Variants in TNFAIP3 observed in about 807,000 individuals in gnomAD.
TNFAIP3 encodes tumor necrosis factor alpha-induced protein 3.
TNFAIP3 carries 9 observed loss-of-function variants against 72.4 expected under a neutral mutation model. The observed-to-expected ratio is 0.12, with a 90% CI of 0.07 to 0.22. TNFAIP3 has a LOEUF of 0.22. Ranked by LOEUF, TNFAIP3 falls within the 10% of genes least tolerant of loss-of-function variation. TNFAIP3 has a pLI of 1.00. For missense variants in TNFAIP3, 833 were observed against 1,018.7 expected (o/e 0.82, Z 2.48); for synonymous variants, 339 against 372.6 (o/e 0.91, Z 1.04).
In TNFAIP3 at chr6:137,882,879, G is replaced by A; in HGVS notation, c.*1560G>A. The stretch of plus-strand genomic sequence containing the variant: ...TTTGCTCTAGAAGAAAAAAAAAAAA[G>A]GAGGGGAAATGCATTTTCCCCAGAG... On this transcript the variant is annotated 3_prime_UTR_variant, in exon 9 of 9. Coordinates refer to ENST00000612899, the MANE Select transcript of TNFAIP3 (RefSeq NM_001270508.2). 4.4e-6 allele frequency: 1 copy of A among 225,902 alleles called. No individual in the cohort carries two copies. The highest frequency in any genetic ancestry group is 8.8e-6 in the Non-Finnish European group (1 of 113,700). 14.0% of individuals were successfully genotyped at this position (225,902 alleles called of 1,614,324 possible). A position where few individuals can be genotyped will look rare whatever the true frequency, so the allele number is the denominator to read the frequency against.
At chr6:137,875,154 G>A (rs943615282) in intron 3 of TNFAIP3, 119 bp downstream of exon 3, 3 of 1,198,244 alleles carry the variant, frequency 2.5e-6, no homozygotes, top group Non-Finnish European at 3.6e-6. Flanking sequence ...ATTTGGCTAA[G>A]CGAAGCATAC....
In TNFAIP3 at chr6:137,871,718, A is replaced by AT. The variant is rs1776071925; in HGVS notation, c.295+200dup. Among the ~76,000 whole-genome samples, 2 of 152,148 alleles carry AT rather than the reference A, an allele frequency of 1.3e-5. No individual in the cohort carries two copies. Among genetic ancestry groups the AT allele is most frequent in the Admixed American group, 1.3e-4 (2 of 15,276 alleles). On this transcript the variant is annotated intron_variant, in intron 2 of 8. Coordinates refer to ENST00000612899, the MANE Select transcript of TNFAIP3 (RefSeq NM_001270508.2). This position sits in a 1 kb window ranked among gnomAD's most constrained non-coding sequence, Gnocchi z 4.2. ...TTTTGTGAATCTATTTATTAAGGATATTTTCTGATTGTGTATATTGCAGAG... is the reference window on the plus strand; with the variant it reads ...TTTTGTGAATCTATTTATTAAGGATATTTTTCTGATTGTGTATATTGCAGAG...
At chr6:137,875,935 T>C in intron 4 of TNFAIP3, 61 bp from the exon 5 acceptor site, 1 of 1,599,610 alleles carries the variant, frequency 6.3e-7, no homozygotes, top group South Asian at 1.1e-5. Flanking sequence ...GTAACAGAGT[T>C]CAATGGAATT....
At position 137,871,133 on chromosome 6, in the gene TNFAIP3, G is replaced by T. The variant is rs79608867; in HGVS notation, c.-15-80G>T. The T allele has an allele frequency of 5.2e-6, 7 of 1,354,872 alleles. No individual in the cohort carries two copies. Among genetic ancestry groups the T allele is most frequent in the East Asian group, 2.3e-5 (1 of 43,260 alleles). 83.9% of individuals were successfully genotyped at this position (1,354,872 alleles called of 1,614,324 possible). On this transcript the variant is annotated intron_variant, in intron 1 of 8. Coordinates refer to ENST00000612899, the MANE Select transcript of TNFAIP3 (RefSeq NM_001270508.2). The surrounding 1 kb of genome is among the most constrained non-coding windows in gnomAD (Gnocchi z 4.2). ...GGTAATGACAAGATCAAACACTGGGGTTTCCTGCAGGCAGCTATAGAGGAG... is the reference window on the plus strand; with the variant it reads ...GGTAATGACAAGATCAAACACTGGGTTTTCCTGCAGGCAGCTATAGAGGAG...
Position 137,881,263 on chromosome 6 carries a change from G to T in TNFAIP3, c.2317G>T (p.Ala773Ser), listed in dbSNP as rs573172680. The T allele has an allele frequency of 6.3e-7, 1 of 1,593,422 alleles. No homozygotes were observed. Among genetic ancestry groups the T allele is most frequent in the East Asian group, 2.2e-5 (1 of 44,500 alleles). Residue 773 changes from alanine to serine, a missense_variant, in exon 9 of 9, where the codon GCC becomes TCC. Ala to Ser is a moderately conservative substitution (Grantham distance 99). Transcript: ENST00000612899. The surrounding 1 kb of genome is among the most constrained non-coding windows in gnomAD (Gnocchi z 5.0). ...CCCCGCCTGTGATCATTTTGGCAAT[G>T]CCAAGTGCAACGGCTACTGCAACGA... ...RAPACDHFGN[A>S]KCNGYCNECF...
At chr6:137,875,109 C>A in intron 3 of TNFAIP3, 74 bp downstream of exon 3, 1 of 1,542,046 alleles carries the variant, frequency 6.5e-7, no homozygotes, top group Non-Finnish European at 8.9e-7. Flanking sequence ...CGAGTCCCTG[C>A]CCTCTGGTAG....
intron 2 of TNFAIP3, among the ~76,000 whole-genome samples, chr6:137,873,260 G>T (rs757095953): frequency 2.6e-5 from 4 of 152,124 alleles, no homozygotes; most frequent in Non-Finnish European, 4.4e-5. Context: ...CTGATAGGAG[G>T]GTTCTTCAAA....
intron 1 of TNFAIP3, among the ~76,000 whole-genome samples, chr6:137,869,637 A>C (rs532746849): frequency 2.6e-5 from 4 of 152,288 alleles, no homozygotes; most frequent in East Asian, 1.9e-4. Context: ...CATCTAGTCC[A>C]ACCTCTCTCC....
rs761953299 is a variant in TNFAIP3, at chr6:137,875,855, C to T, written c.634+20C>T. On this transcript the variant is annotated intron_variant, in intron 4 of 8. Coordinates refer to ENST00000612899, the MANE Select transcript of TNFAIP3 (RefSeq NM_001270508.2). ...TTTCAGGTGAGATGCCTGCAGATCA[C>T]GGATCTGTACTTAAATGCTTTCAGC... The T allele has an allele frequency of 1.7e-5, 28 of 1,613,726 alleles. No homozygotes were observed. The highest frequency in any genetic ancestry group is 2.7e-5 in the African/African-American group (2 of 74,894).
At chr6:137,880,482 AAAAC>A (rs1255373874) in intron 8 of TNFAIP3, among the ~76,000 whole-genome samples, 1 of 152,224 alleles carries the variant, frequency 6.6e-6, no homozygotes, top group Non-Finnish European at 1.5e-5. Context: ...ATTTATTTTA[AAAAC>A]AAAGAAACAC....
intron 2 of TNFAIP3, among the ~76,000 whole-genome samples, chr6:137,873,353 T>A (rs2114470278): frequency 6.6e-6 from 1 of 152,288 alleles, no homozygotes; most frequent in South Asian, 2.1e-4. Flanking sequence ...AGGGAGTAGG[T>A]GGCATAAAAT....
rs1187510924 is a variant in TNFAIP3, at chr6:137,875,900, A to T, written c.634+65A>T. The T allele has an allele frequency of 1.9e-6, 3 of 1,605,202 alleles. No homozygotes were observed. In the African/African-American group the frequency reaches 4.0e-5, roughly 21 times the overall value. ...TTCAGCCTTATGCCTTGGCTCCTGG[A>T]GAAAACCACACTGCCAAAGTTCAGG... On this transcript the variant is annotated intron_variant, in intron 4 of 8. Transcript: ENST00000612899.
chr6:137,875,628 C>T, intron 3 of TNFAIP3, 60 bp from the exon 4 acceptor site: 5 of 1,573,596 alleles, frequency 3.2e-6, no homozygotes, highest in Non-Finnish European at 4.3e-6. Context: ...GTCAGAATGA[C>T]TTTTTAGTAC....
rs910817645 is a variant in TNFAIP3, at chr6:137,882,501, T to A, written c.*1182T>A. ...CCTCCCCAGGAAAGAAGGAATTGCATCCAAGGTATACATACATATTCATCG... is the reference window on the plus strand; with the variant it reads ...CCTCCCCAGGAAAGAAGGAATTGCAACCAAGGTATACATACATATTCATCG... On this transcript the variant is annotated 3_prime_UTR_variant, in exon 9 of 9. Coordinates refer to ENST00000612899, the MANE Select transcript of TNFAIP3 (RefSeq NM_001270508.2). 3.0e-5 allele frequency: 7 copies of A among 232,448 alleles called. No individual in the cohort carries two copies. The highest frequency in any genetic ancestry group is 2.8e-4 in the Admixed American group (5 of 17,746). The allele number at this position is 232,448 out of a possible 1,614,324, so 14.4% of individuals were successfully genotyped here. A position where few individuals can be genotyped will look rare whatever the true frequency, so the allele number is the denominator to read the frequency against.
intron 8 of TNFAIP3, 107 bp from the exon 9 acceptor site, chr6:137,880,928 T>C: frequency 7.9e-7 from 1 of 1,264,314 alleles, no homozygotes. Context: ...CAGGTAAAGC[T>C]CTTTGTAGAC....
intron 2 of TNFAIP3, among the ~76,000 whole-genome samples, chr6:137,874,172 A>T (rs1776152225): frequency 6.6e-6 from 1 of 152,200 alleles, no homozygotes; most frequent in African/African-American, 2.4e-5. Flanking sequence ...GGTGCTTTTT[A>T]ACTTTTGTAC....
At chr6:137,876,371 T>C in intron 5 of TNFAIP3, 2 of 527,262 alleles carry the variant, frequency 3.8e-6, no homozygotes, top group Non-Finnish European at 6.6e-6. Flanking sequence ...TGGAAAGTAC[T>C]TTCATACATG....
At position 137,881,345 on chromosome 6, in the gene TNFAIP3, C is replaced by T; in HGVS notation, c.*26C>T. ...CCGGAAACAGGTGGGTCACCTCCTG[C>T]AAGAAGTGGGGCCTCGAGCTGTCAG... On this transcript the variant is annotated 3_prime_UTR_variant, in exon 9 of 9. Transcript: ENST00000612899. This position sits in a 1 kb window ranked among gnomAD's most constrained non-coding sequence, Gnocchi z 5.0. 1 of 1,522,720 alleles carries T rather than the reference C, an allele frequency of 6.6e-7. No homozygotes were observed. Among genetic ancestry groups the T allele is most frequent in the Non-Finnish European group, 8.8e-7 (1 of 1,135,328 alleles). The allele number at this position is 1,522,720 out of a possible 1,614,324, so 94.3% of individuals were successfully genotyped here.
Position 137,871,369 on chromosome 6 carries a change from C to T in TNFAIP3, c.142C>T (p.Leu48=). ...HHFKTMHRYT[L]EMFRTCQFCP... ...TTTTAAAACCATGCACCGATACACA[C>T]TGGAAATGTTCAGAACTTGCCAGTT... Residue 48 remains leucine (L), a synonymous_variant, in exon 2 of 9, where the codon CTG becomes TTG. Coordinates refer to ENST00000612899, the MANE Select transcript of TNFAIP3 (RefSeq NM_001270508.2). This position sits in a 1 kb window ranked among gnomAD's most constrained non-coding sequence, Gnocchi z 4.2. 6.2e-7 allele frequency: 1 copy of T among 1,614,208 alleles called. No individual in the cohort carries two copies. Among genetic ancestry groups the T allele is most frequent in the Non-Finnish European group, 8.5e-7 (1 of 1,180,040 alleles).
Sources: gnomAD v4.1 joint callset for allele counts (sites outside exome capture counted in the v4.1 genomes callset) on GRCh38, gnomAD v4.1.1 for gene constraint, Gnocchi (gnomAD v3.1) non-coding constraint, MANE v1.5 for transcripts, NCBI Gene and HGNC (gene_info 2026-07-23, HGNC 2026-07-21) for gene names.